NCKAP5: variants seen among roughly 807,000 people sequenced by gnomAD.
The protein encoded by NCKAP5 is nck-associated protein 5.
NCKAP5 carries 92 observed loss-of-function variants against 167.0 expected under a neutral mutation model. The observed-to-expected ratio is 0.55, with a 90% confidence interval of 0.47 to 0.66. NCKAP5 has a LOEUF of 0.66. Ranked by LOEUF, NCKAP5 falls within the 30% of genes least tolerant of loss-of-function variation. The pLI is 0.00. For missense variants in NCKAP5, 2,378 were observed against 2,315.0 expected (o/e 1.03, Z -0.56); for synonymous variants, 891 against 877.4 (o/e 1.02, Z -0.27).
intron 16 of NCKAP5, among the ~76,000 whole-genome samples, chr2:132,761,287 A>G (rs1680984672): frequency 6.6e-6 from 1 of 152,030 alleles, no homozygotes; most frequent in Non-Finnish European, 1.5e-5. Flanking sequence ...AATGGTGGGG[A>G]TTTGAGGAAC....
intron 11 of NCKAP5, among the ~76,000 whole-genome samples, chr2:132,855,633 C>A (rs1689406615): frequency 6.6e-6 from 1 of 152,150 alleles, no homozygotes; most frequent in African/African-American, 2.4e-5. Flanking sequence ...TAGTTTGTGT[C>A]TCAAGAGAGG....
intron 4 of NCKAP5, among the ~76,000 whole-genome samples, chr2:133,249,359 G>A (rs567961400): frequency 4.6e-5 from 7 of 152,234 alleles, no homozygotes; most frequent in African/African-American, 1.7e-4. Context: ...CAGAAACCAA[G>A]GAATGTGAAC....
chr2:132,993,420 G>A (rs1191562010), intron 7 of NCKAP5, among the ~76,000 whole-genome samples: 2 of 152,136 alleles, frequency 1.3e-5, no homozygotes, highest in Non-Finnish European at 2.9e-5. Flanking sequence ...TGGCAGCTTT[G>A]CTGGTGTTAA....
At chr2:133,624,711 T>A in the NCKAP5 span, among the ~76,000 whole-genome samples, 1 of 152,232 alleles carries the variant, frequency 6.6e-6, no homozygotes. Context: ...AGTATTATGA[T>A]GCTGTTTGAG....
chr2:132,785,563 T>C lies in NCKAP5; in HGVS notation c.1248A>G (p.Glu416=). 1 of 1,600,412 alleles carries C rather than the reference T, an allele frequency of 6.2e-7. No individual in the cohort carries two copies. The highest frequency in any genetic ancestry group is 1.1e-5 in the South Asian group (1 of 88,580). ...RKLQKRKVLL[E]PPSVITKWGY... is the part of the protein sequence containing the mutation. Reference sequence around the variant, plus strand: ...CCCATTTGGTTATCACTGATGGGGGTTCAAGTAACACTTTTCGCTTCTGTA... The same window carrying C: ...CCCATTTGGTTATCACTGATGGGGGCTCAAGTAACACTTTTCGCTTCTGTA... The change falls in exon 14 of 20, where the codon GAA becomes GAG. Residue 416 remains glutamate, a synonymous_variant. Transcript: ENST00000409261.
chr2:132,826,543 C>A (rs1280954232), intron 11 of NCKAP5, among the ~76,000 whole-genome samples: 3 of 152,146 alleles, frequency 2.0e-5, no homozygotes, highest in African/African-American at 7.2e-5. Flanking sequence ...GTGACTTGTG[C>A]TTTGCCCTCC....
At chr2:133,455,370 T>C (rs1358443130) in intron 3 of NCKAP5, among the ~76,000 whole-genome samples, 1 of 152,120 alleles carries the variant, frequency 6.6e-6, no homozygotes, top group Non-Finnish European at 1.5e-5. Context: ...TGTAGCCAAG[T>C]GGCTTTAGTC....
chr2:132,787,219 G>A (rs1345968430), intron 13 of NCKAP5, among the ~76,000 whole-genome samples: 1 of 151,986 alleles, frequency 6.6e-6, no homozygotes, highest in Non-Finnish European at 1.5e-5. Flanking sequence ...ATGTTGGCGG[G>A]TGCCTGTAAT....
chr2:133,015,466 C>T (rs1307930229), intron 6 of NCKAP5, among the ~76,000 whole-genome samples: 1 of 151,704 alleles, frequency 6.6e-6, no homozygotes, highest in Non-Finnish European at 1.5e-5. Flanking sequence ...AATCCCAACT[C>T]CTCCACAAAG....
chr2:133,188,647 A>T (rs779898460), intron 5 of NCKAP5, among the ~76,000 whole-genome samples: 20 of 152,142 alleles, frequency 1.3e-4, no homozygotes, highest in Non-Finnish European at 2.6e-4. Context: ...AAACCGCTCA[A>T]CTACATGGAA....
intron 5 of NCKAP5, among the ~76,000 whole-genome samples, chr2:133,208,457 A>G (rs1373724569): frequency 6.6e-6 from 1 of 152,242 alleles, no homozygotes; most frequent in African/African-American, 2.4e-5. Flanking sequence ...TAATCGTCAG[A>G]AAAACATCAG....
the NCKAP5 span, among the ~76,000 whole-genome samples, chr2:133,612,393 C>G: frequency 6.6e-6 from 1 of 152,162 alleles, no homozygotes; most frequent in African/African-American, 2.4e-5. Context: ...AAAGAAACAT[C>G]TTTCTTTATC....
At chr2:133,147,332 T>C (rs770555300) in intron 5 of NCKAP5, among the ~76,000 whole-genome samples, 4 of 152,202 alleles carry the variant, frequency 2.6e-5, no homozygotes, top group Admixed American at 6.6e-5. Flanking sequence ...TGCGTGCTAA[T>C]GTTCTCTGGA....
chr2:133,649,741 C>T, the NCKAP5 span, among the ~76,000 whole-genome samples: 1 of 152,090 alleles, frequency 6.6e-6, no homozygotes, highest in African/African-American at 2.4e-5. Context: ...ATCACCTCAA[C>T]ATAATAAAGA....
intron 5 of NCKAP5, among the ~76,000 whole-genome samples, chr2:133,156,988 C>T (rs187910947): frequency 1.3e-5 from 2 of 152,256 alleles, no homozygotes; most frequent in Admixed American, 6.5e-5. Context: ...ATATTTCCAA[C>T]TCTGTATCAT....
chr2:133,621,655 C>T, the NCKAP5 span, among the ~76,000 whole-genome samples: 1 of 151,774 alleles, frequency 6.6e-6, no homozygotes, highest in Non-Finnish European at 1.5e-5. Context: ...AAATTGCCAA[C>T]AAAAAAAGTC....
At chr2:132,690,928 T>C (rs1327440293) in intron 19 of NCKAP5, among the ~76,000 whole-genome samples, 1 of 152,176 alleles carries the variant, frequency 6.6e-6, no homozygotes, top group Non-Finnish European at 1.5e-5. Context: ...TAGACTCTAA[T>C]GTCACTCTGC....
chr2:133,205,068 C>T (rs1166052337), intron 5 of NCKAP5, among the ~76,000 whole-genome samples: 5 of 152,004 alleles, frequency 3.3e-5, no homozygotes, highest in African/African-American at 1.2e-4. Flanking sequence ...GCTGGTGGAT[C>T]CCTTGAGCCA....
rs143534200 is a variant in NCKAP5, at chr2:133,502,105, G to A, written c.69+15353C>T. ...CTTTGGTGATCCTTATATAAGCCCA[G>A]AAGAAAGTCTTGGGTTTCCCCAGTA... On this transcript the variant is annotated intron_variant, in intron 3 of 19. Transcript: ENST00000409261. 1.6e-3 allele frequency among the ~76,000 whole-genome samples: 242 copies of A among 152,336 alleles called. 1 individual carries two copies. Among genetic ancestry groups the A allele is most frequent in the Middle Eastern group, 3.4e-3 (1 of 294 alleles).
Sources: gnomAD v4.1 joint callset for allele counts (sites outside exome capture counted in the v4.1 genomes callset) on GRCh38, gnomAD v4.1.1 for gene constraint, MANE v1.5 for transcripts, NCBI Gene and HGNC (gene_info 2026-07-23, HGNC 2026-07-21) for gene names.